The following AGBL4 variants were observed in gnomAD, a reference collection of about 807,000 sequenced individuals.
AGBL4 encodes AGBL carboxypeptidase 4.
AGBL4 carries 58 observed loss-of-function variants against 66.4 expected under a neutral mutation model. That is an observed-to-expected ratio of 0.87 (90% CI 0.71 to 1.09). The LOEUF is 1.09. AGBL4 is among the 50% of genes least tolerant of loss of function. AGBL4 has a pLI of 0.00. For synonymous variants in AGBL4, 234 were observed against 222.9 expected, an observed-to-expected ratio of 1.05 and a Z score of -0.44; for missense variants, 579 against 631.0, an observed-to-expected ratio of 0.92 and a Z score of 0.88.
At chr1:48,723,452 C>T (rs947981001) in intron 6 of AGBL4, among the ~76,000 whole-genome samples, 1 of 152,086 alleles carries the variant, frequency 6.6e-6, no homozygotes, top group Non-Finnish European at 1.5e-5. Flanking sequence ...ATTCCATGAG[C>T]CTATGAAGCT....
intron 6 of AGBL4, among the ~76,000 whole-genome samples, chr1:48,725,427 A>G (rs1165203878): frequency 6.6e-6 from 1 of 152,212 alleles, no homozygotes; most frequent in Non-Finnish European, 1.5e-5. Context: ...TTGAGTTTTT[A>G]TATGTATTTG....
At chr1:49,112,860 T>C (rs1167148690) in intron 4 of AGBL4, among the ~76,000 whole-genome samples, 1 of 152,178 alleles carries the variant, frequency 6.6e-6, no homozygotes, top group Non-Finnish European at 1.5e-5. Context: ...GAACCCCTCA[T>C]AGCTATTCAT....
Position 48,592,003 on chromosome 1 carries a change from G to A in AGBL4, c.952-1018C>T, listed in dbSNP as rs570011452. ...CTGTAATGGACTGACTGAAACAGAGGGTGTCAGGGGTGGGGTGATTTTTAG... is the reference window on the plus strand; with the variant it reads ...CTGTAATGGACTGACTGAAACAGAGAGTGTCAGGGGTGGGGTGATTTTTAG... On this transcript the variant is annotated intron_variant, in intron 9 of 13. Transcript: ENST00000371839. Among the ~76,000 whole-genome samples, 569 of 152,286 alleles carry A rather than the reference G, an allele frequency of 3.7e-3. 5 individuals are homozygous for A. Among genetic ancestry groups the A allele is most frequent in the African/African-American group, 0.013 (552 of 41,552 alleles).
chr1:49,735,984 A>C (rs1649857909), intron 2 of AGBL4, among the ~76,000 whole-genome samples: 1 of 152,110 alleles, frequency 6.6e-6, no homozygotes, highest in African/African-American at 2.4e-5. Context: ...TGAAATCTCC[A>C]ATCTAGCAAC....
At chr1:49,846,393 C>G in intron 2 of AGBL4, 1 of 1,538,406 alleles carries the variant, frequency 6.5e-7, no homozygotes, top group Non-Finnish European at 8.9e-7. Flanking sequence ...AGAACTCACA[C>G]TGGATAAACC....
At chr1:50,018,489 T>G (rs1662160822) in intron 1 of AGBL4, among the ~76,000 whole-genome samples, 1 of 152,128 alleles carries the variant, frequency 6.6e-6, no homozygotes, top group Non-Finnish European at 1.5e-5. Flanking sequence ...TGTATTAAAA[T>G]TAATACTCCA....
chr1:49,236,525 T>G (rs537112292), intron 4 of AGBL4, among the ~76,000 whole-genome samples: 1 of 152,148 alleles, frequency 6.6e-6, no homozygotes, highest in African/African-American at 2.4e-5. Context: ...GTAATGTGGG[T>G]TTTATTTTGT....
intron 5 of AGBL4, among the ~76,000 whole-genome samples, chr1:48,981,458 A>G (rs1659761600): frequency 6.6e-6 from 1 of 152,240 alleles, no homozygotes; most frequent in Non-Finnish European, 1.5e-5. Context: ...GAGAAGCAAA[A>G]AAAGTATGTA....
intron 2 of AGBL4, among the ~76,000 whole-genome samples, chr1:49,702,572 T>A (rs1647119893): frequency 6.6e-6 from 1 of 152,054 alleles, no homozygotes; most frequent in South Asian, 2.1e-4. Flanking sequence ...TTCAAACTCA[T>A]TCTATGAAAC....
chr1:49,997,680 G>A (rs956442653), intron 1 of AGBL4, among the ~76,000 whole-genome samples: 5 of 151,902 alleles, frequency 3.3e-5, no homozygotes, highest in Admixed American at 6.6e-5. Context: ...AACAATGGAC[G>A]TAAACTATAC....
intron 3 of AGBL4, among the ~76,000 whole-genome samples, chr1:49,643,475 T>G (rs1645824455): frequency 6.6e-6 from 1 of 151,292 alleles, no homozygotes; most frequent in Non-Finnish European, 1.5e-5. Context: ...AATTTAAAAG[T>G]TTAAGAAGTT....
chr1:49,531,132 G>C (rs1651110481), intron 3 of AGBL4, among the ~76,000 whole-genome samples: 1 of 151,972 alleles, frequency 6.6e-6, no homozygotes, highest in African/African-American at 2.4e-5. Context: ...AGAGGATTTT[G>C]GTATCTTTGG....
At chr1:48,960,482 A>G (rs1657875707) in intron 5 of AGBL4, among the ~76,000 whole-genome samples, 2 of 152,222 alleles carry the variant, frequency 1.3e-5, no homozygotes, top group Non-Finnish European at 2.9e-5. Flanking sequence ...ATTTTAAGCC[A>G]TGAGAGTGGA....
At chr1:49,107,094 T>C (rs938961605) in intron 4 of AGBL4, among the ~76,000 whole-genome samples, 4 of 151,956 alleles carry the variant, frequency 2.6e-5, no homozygotes, top group Non-Finnish European at 5.9e-5. Flanking sequence ...GAAAGGAAAG[T>C]GGGAGAAATG....
chr1:48,798,084 C>T (rs1558002327), intron 6 of AGBL4, among the ~76,000 whole-genome samples: 1 of 152,212 alleles, frequency 6.6e-6, no homozygotes, highest in Non-Finnish European at 1.5e-5. Context: ...CACTAGTTTA[C>T]ATTCCCACAA....
chr1:49,861,097 G>C (rs1174026045), intron 1 of AGBL4, among the ~76,000 whole-genome samples: 1 of 152,144 alleles, frequency 6.6e-6, no homozygotes, highest in African/African-American at 2.4e-5. Context: ...CACCCACAGA[G>C]AGAGCATTTA....
At chr1:49,039,298 T>C (rs1286329950) in intron 5 of AGBL4, among the ~76,000 whole-genome samples, 3 of 152,064 alleles carry the variant, frequency 2.0e-5, no homozygotes, top group Non-Finnish European at 2.9e-5. Flanking sequence ...CCATAGAATG[T>C]ACAACACCCA....
intron 1 of AGBL4, among the ~76,000 whole-genome samples, chr1:49,905,057 A>G (rs752382775): frequency 2.0e-5 from 3 of 152,202 alleles, no homozygotes; most frequent in Non-Finnish European, 2.9e-5. Flanking sequence ...GATGATTAGA[A>G]ATTTGACAAA....
At chr1:49,139,764 G>A (rs898771489) in intron 4 of AGBL4, among the ~76,000 whole-genome samples, 21 of 152,136 alleles carry the variant, frequency 1.4e-4, no homozygotes, top group Non-Finnish European at 1.8e-4. Flanking sequence ...TTAGTGGAAA[G>A]GGTCTTGACA....
Sources: allele counts gnomAD v4.1 joint callset (sites outside exome capture counted in the v4.1 genomes callset), GRCh38; gene constraint gnomAD v4.1.1; transcripts MANE v1.5; gene names NCBI Gene and HGNC (gene_info 2026-07-23, HGNC 2026-07-21).